Variants in STC2 observed in about 807,000 individuals in gnomAD.
The protein encoded by STC2 is stanniocalcin-2.
STC2 carries 7 observed loss-of-function variants against 22.7 expected under a neutral mutation model. That is an observed-to-expected ratio of 0.31 (90% CI 0.18 to 0.58). The LOEUF is 0.58. Ranked by LOEUF, STC2 falls within the 20% of genes least tolerant of loss-of-function variation. The probability of loss-of-function intolerance (pLI) is 0.89; values close to 1 mark genes in which losing one functional copy is unlikely to be tolerated. For missense variants in STC2, 336 were observed against 406.2 expected, an observed-to-expected ratio of 0.83 and a Z score of 1.48; for synonymous variants, 158 against 163.4, an observed-to-expected ratio of 0.97 and a Z score of 0.25.
intron 1 of STC2, 46 bp from the exon 2 acceptor site, chr5:173,326,056 G>T: frequency 6.2e-7 from 1 of 1,600,326 alleles, no homozygotes; most frequent in Non-Finnish European, 8.6e-7. Flanking sequence ...TCTAACCCAT[G>T]CTGGGCAATG....
At position 173,317,921 on chromosome 5, in the gene STC2, G is replaced by A. The variant is rs756719350; in HGVS notation, c.835C>T (p.Leu279Phe). 9 of 1,612,754 alleles carry A rather than the reference G, an allele frequency of 5.6e-6. No individual in the cohort carries two copies. The South Asian group carries it at 9.9e-5, about 18-fold the overall frequency. Residue 279 changes from leucine to phenylalanine, a missense_variant, in exon 4 of 4, where the codon CTT becomes TTT. By Grantham distance (22) the Leu-to-Phe change is conservative. Coordinates refer to ENST00000265087, the MANE Select transcript of STC2 (RefSeq NM_003714.3). ...NAHARGRVGG[L>F]GAQGPSGSSE... ...CTTCCGGAAGGTCCCTGAGCCCCAAGGCCCCCGACTCTGCCTCGGGCATGG... is the reference window on the plus strand; with the variant it reads ...CTTCCGGAAGGTCCCTGAGCCCCAAAGCCCCCGACTCTGCCTCGGGCATGG...
rs1248501952 is a variant in STC2 at position 173,315,481 on chromosome 5, G to A, written c.*2366C>T. 1 of 152,162 alleles carries A rather than the reference G, an allele frequency of 6.6e-6. No individual in the cohort carries two copies. Among genetic ancestry groups the A allele is most frequent in the Non-Finnish European group, 1.5e-5 (1 of 68,026 alleles). 9.4% of individuals were successfully genotyped at this position (152,162 alleles called of 1,614,324 possible). A position where few individuals can be genotyped will look rare whatever the true frequency, so the allele number is the denominator to read the frequency against. The stretch of plus-strand genomic sequence containing the variant: ...AGTAAACCATTTTATGCCTTAGGGG[G>A]AAAACACAGAGATAATAAATACAAA... On this transcript the variant is annotated 3_prime_UTR_variant, in exon 4 of 4. Coordinates refer to ENST00000265087, the MANE Select transcript of STC2 (RefSeq NM_003714.3).
rs889732258 is a variant in STC2 at position 173,325,156 on chromosome 5, G to A, written c.294+712C>T. The stretch of plus-strand genomic sequence containing the variant: ...TTTCAACAGGGCATATAAGTGGCCA[G>A]GGAGAACACGAAGAAGGTGAGTCTG... On this transcript the variant is annotated intron_variant, in intron 2 of 3. Coordinates refer to ENST00000265087, the MANE Select transcript of STC2 (RefSeq NM_003714.3). The surrounding 1 kb of genome is among the most constrained non-coding windows in gnomAD (Gnocchi z 4.7). 6.6e-6 allele frequency among the ~76,000 whole-genome samples: 1 copy of A among 152,228 alleles called. No homozygotes were observed. Among genetic ancestry groups the A allele is most frequent in the African/African-American group, 2.4e-5 (1 of 41,468 alleles).
intron 3 of STC2, among the ~76,000 whole-genome samples, chr5:173,320,372 T>C (rs953114534): frequency 6.6e-5 from 10 of 152,304 alleles, no homozygotes; most frequent in African/African-American, 2.4e-4. Flanking sequence ...AGCTGTGAAC[T>C]GCGGGGAGGG....
In STC2 at chr5:173,328,330, G is replaced by A; in HGVS notation, c.-137C>T. On this transcript the variant is annotated 5_prime_UTR_variant, in exon 1 of 4. Coordinates refer to ENST00000265087, the MANE Select transcript of STC2 (RefSeq NM_003714.3). ...TGCTCGCCTTTTCCCTCCTCCTCGC[G>A]GCCGCGGCTCGGATAGAGGTTACCC... The A allele has an allele frequency of 9.7e-7, 1 of 1,026,864 alleles. No homozygotes were observed. The allele number at this position is 1,026,864 out of a possible 1,614,324, so 63.6% of individuals were successfully genotyped here. A position where few individuals can be genotyped will look rare whatever the true frequency, so the allele number is the denominator to read the frequency against.
rs946032869 is a variant in STC2 at position 173,317,810 on chromosome 5, G to A, written c.*37C>T. On this transcript the variant is annotated 3_prime_UTR_variant, in exon 4 of 4. Coordinates refer to ENST00000265087, the MANE Select transcript of STC2 (RefSeq NM_003714.3). ...AATGTCCATAGATAAGAAAATGGAC[G>A]GCGTGGAGGAAAGATTTCGTGGCCA... 7.2e-6 allele frequency: 11 copies of A among 1,517,536 alleles called. No homozygotes were observed. Among genetic ancestry groups the A allele is most frequent in the Non-Finnish European group, 9.7e-6 (11 of 1,130,362 alleles). The allele number at this position is 1,517,536 out of a possible 1,614,324, so 94.0% of individuals were successfully genotyped here. A position where few individuals can be genotyped will look rare whatever the true frequency, so the allele number is the denominator to read the frequency against.
chr5:173,325,762 C>G lies in STC2; in HGVS notation c.294+106G>C, dbSNP rs1432851126. On this transcript the variant is annotated intron_variant, in intron 2 of 3. Transcript: ENST00000265087. This position sits in a 1 kb window ranked among gnomAD's most constrained non-coding sequence, Gnocchi z 4.7. ...ACTGTCGCTTGCAAGCACTAAAACA[C>G]ACCACAAGGAACAGCAAAGGAAGTT... The G allele has an allele frequency of 5.9e-6, 9 of 1,516,878 alleles. No individual in the cohort carries two copies. The East Asian group carries it at 1.8e-4, about 30-fold the overall frequency. 94.0% of individuals were successfully genotyped at this position (1,516,878 alleles called of 1,614,324 possible). A position where few individuals can be genotyped will look rare whatever the true frequency, so the allele number is the denominator to read the frequency against.
rs1344805687 is a variant in STC2 at position 173,323,465 on chromosome 5, G to A, written c.295-35C>T. 2.6e-6 allele frequency: 4 copies of A among 1,552,158 alleles called. No homozygotes were observed. The highest frequency in any genetic ancestry group is 3.5e-6 in the Non-Finnish European group (4 of 1,140,624). On this transcript the variant is annotated intron_variant, in intron 2 of 3. Coordinates refer to ENST00000265087, the MANE Select transcript of STC2 (RefSeq NM_003714.3). This position sits in a 1 kb window ranked among gnomAD's most constrained non-coding sequence, Gnocchi z 5.4. ...CACAGGCCGGGGAAGGGAGAGAGGG[G>A]CAGAAAGCAGAAGACCTCGTTACAT...
rs1173817450 is a variant in STC2 at position 173,328,134 on chromosome 5, G to A, written c.60C>T (p.Asp20=). The change falls in exon 1 of 4, where the codon GAC becomes GAT. Residue 20 remains aspartate, a synonymous_variant. Transcript: ENST00000265087. ...MTLALVLATF[D]PARGTDATNP... is the part of the protein sequence containing the mutation. ...TGGTGGCGTCGGTCCCCCGCGCCGGGTCAAAGGTGGCCAACACCAAAGCCA... is the reference window on the plus strand; with the variant it reads ...TGGTGGCGTCGGTCCCCCGCGCCGGATCAAAGGTGGCCAACACCAAAGCCA... The A allele has an allele frequency of 2.5e-6, 4 of 1,600,286 alleles. No homozygotes were observed. The African/African-American group carries it at 4.0e-5, about 16-fold the overall frequency.
intron 3 of STC2, among the ~76,000 whole-genome samples, chr5:173,322,723 T>A (rs1466573057): frequency 3.9e-5 from 6 of 152,210 alleles, no homozygotes; most frequent in Non-Finnish European, 7.3e-5. Flanking sequence ...CTGTGTGAGC[T>A]CTGCCTTAGT....
rs748363918 is a variant in STC2, at chr5:173,328,214, C to G, written c.-21G>C. On this transcript the variant is annotated 5_prime_UTR_variant, in exon 1 of 4. Transcript: ENST00000265087. The stretch of plus-strand genomic sequence containing the variant: ...CACATGGTTCTTGGTATTAACCTCC[C>G]GTCGGGAGACCTGGATCCTTTGTGC... The G allele has an allele frequency of 1.5e-5, 22 of 1,439,680 alleles. No individual in the cohort carries two copies. The highest frequency in any genetic ancestry group is 1.5e-5 in the Non-Finnish European group (16 of 1,087,416). 89.2% of individuals were successfully genotyped at this position (1,439,680 alleles called of 1,614,324 possible). A position where few individuals can be genotyped will look rare whatever the true frequency, so the allele number is the denominator to read the frequency against.
intron 1 of STC2, 62 bp downstream of exon 1, chr5:173,327,981 G>C: frequency 7.2e-7 from 1 of 1,389,134 alleles, no homozygotes; most frequent in South Asian, 1.9e-5. Flanking sequence ...CCTGGGGCGC[G>C]CCGCGTGGGT....
rs1425053963 is a variant in STC2, at chr5:173,323,141, C to T, written c.506+78G>A. ...ACAGGCATTCAGCCTCTAGAAGCAA[C>T]GCGGCTCTCCTCCCATACACATTGC... On this transcript the variant is annotated intron_variant, in intron 3 of 3. Transcript: ENST00000265087. This position sits in a 1 kb window ranked among gnomAD's most constrained non-coding sequence, Gnocchi z 5.4. 30 of 1,412,990 alleles carry T rather than the reference C, an allele frequency of 2.1e-5. No homozygotes were observed. The East Asian group carries it at 2.3e-4, about 11-fold the overall frequency. The allele number at this position is 1,412,990 out of a possible 1,614,324, so 87.5% of individuals were successfully genotyped here.
Position 173,315,814 on chromosome 5 carries a change from A to T in STC2, c.*2033T>A, listed in dbSNP as rs1237201158. ...CCAAGGGCAGAGCTGGATTAAGTGC[A>T]CCAGCTCTTCTGTTCTCTGCAGCCC... On this transcript the variant is annotated 3_prime_UTR_variant, in exon 4 of 4. Transcript: ENST00000265087. 1 of 152,252 alleles carries T rather than the reference A, an allele frequency of 6.6e-6. No homozygotes were observed. The highest frequency in any genetic ancestry group is 1.5e-5 in the Non-Finnish European group (1 of 68,062). The allele number at this position is 152,252 out of a possible 1,614,324, so 9.4% of individuals were successfully genotyped here. A position where few individuals can be genotyped will look rare whatever the true frequency, so the allele number is the denominator to read the frequency against.
intron 3 of STC2, among the ~76,000 whole-genome samples, chr5:173,322,818 C>T (rs1051570055): frequency 1.3e-5 from 2 of 152,132 alleles, no homozygotes; most frequent in African/African-American, 4.8e-5. Context: ...AGCCCTTAGC[C>T]CAGTGCCTGG....
Position 173,319,012 on chromosome 5 carries a change from C to G in STC2, c.507-763G>C, listed in dbSNP as rs190107171. Among the ~76,000 whole-genome samples the G allele has an allele frequency of 3.3e-5, 5 of 152,236 alleles. 1 individual carries two copies. The highest frequency in any genetic ancestry group is 3.3e-4 in the Admixed American group (5 of 15,298). ...ATCTGAGCATCTTTATTCTTTCAGT[C>G]TGGGCTTCCTTAGATTTGGAGTTGA... On this transcript the variant is annotated intron_variant, in intron 3 of 3. Transcript: ENST00000265087.
At position 173,317,718 on chromosome 5, in the gene STC2, A is replaced by G. The variant is rs538701026; in HGVS notation, c.*129T>C. The stretch of plus-strand genomic sequence containing the variant: ...GTCCGTTCCGCGAACACACACCTCG[A>G]TGAAGTCCACAGTCCCCACAGAATC... On this transcript the variant is annotated 3_prime_UTR_variant, in exon 4 of 4. Transcript: ENST00000265087. The G allele has an allele frequency of 1.2e-5, 16 of 1,294,960 alleles. No homozygotes were observed. In the East Asian group the frequency reaches 3.3e-4, roughly 27 times the overall value. The allele number at this position is 1,294,960 out of a possible 1,614,324, so 80.2% of individuals were successfully genotyped here.
intron 3 of STC2, among the ~76,000 whole-genome samples, chr5:173,321,306 C>T (rs1762483224): frequency 6.6e-6 from 1 of 152,170 alleles, no homozygotes; most frequent in Non-Finnish European, 1.5e-5. Flanking sequence ...TCCTGTGCTC[C>T]AGGCATGCAT....
At position 173,323,594 on chromosome 5, in the gene STC2, GA is replaced by G. The variant is rs1762511860; in HGVS notation, c.295-165del. Among the ~76,000 whole-genome samples, 1 of 152,148 alleles carries G rather than the reference GA, an allele frequency of 6.6e-6. No homozygotes were observed. The highest frequency in any genetic ancestry group is 6.5e-5 in the Admixed American group (1 of 15,282). On this transcript the variant is annotated intron_variant, in intron 2 of 3. Transcript: ENST00000265087. This position sits in a 1 kb window ranked among gnomAD's most constrained non-coding sequence, Gnocchi z 5.4. The stretch of plus-strand genomic sequence containing the variant: ...CGTCCTCCCAGGTGACAGGCAATGC[GA>G]CATCCGGAGGCACGTCCAGAGTGAC...
Sources: gnomAD v4.1 joint callset for allele counts (sites outside exome capture counted in the v4.1 genomes callset) on GRCh38, gnomAD v4.1.1 for gene constraint, Gnocchi (gnomAD v3.1) non-coding constraint, MANE v1.5 for transcripts, NCBI Gene and HGNC (gene_info 2026-07-23, HGNC 2026-07-21) for gene names.